Variants in TMEM132B observed in about 807,000 individuals in gnomAD.
TMEM132B encodes the protein transmembrane protein 132B.
Under a neutral mutation model 90.8 loss-of-function variants are expected in TMEM132B, and 18 were observed. The ratio of observed to expected loss-of-function variants is 0.20; its 90% CI spans 0.14 to 0.29. The LOEUF (loss-of-function observed/expected upper bound fraction) is 0.29. TMEM132B is among the 10% of genes least tolerant of loss of function. The probability of loss-of-function intolerance (pLI) is 1.00; values close to 1 mark genes in which losing one functional copy is unlikely to be tolerated. For synonymous variants in TMEM132B, 504 were observed against 523.3 expected (o/e 0.96, Z 0.50); for missense variants, 1,096 against 1,326.8 (o/e 0.83, Z 2.70).
rs1251912084 is a variant in TMEM132B, at chr12:125,498,751, A to G, written c.1107-20688A>G. ...ACTAGAGTCCCATGGGGCTTGTTCT[A>G]ATGTCCTTACAGAGGATACTGGTTA... On this transcript the variant is annotated intron_variant, in intron 3 of 8. Transcript: ENST00000682704. The surrounding 1 kb of genome is among the most constrained non-coding windows in gnomAD (Gnocchi z 4.5). 6.6e-6 allele frequency among the ~76,000 whole-genome samples: 1 copy of G among 152,174 alleles called. No homozygotes were observed. Among genetic ancestry groups the G allele is most frequent in the East Asian group, 1.9e-4 (1 of 5,198 alleles).
chr12:125,601,736 A>G (rs1054171266), intron 5 of TMEM132B, among the ~76,000 whole-genome samples: 10 of 152,170 alleles, frequency 6.6e-5, no homozygotes, highest in Admixed American at 6.5e-5. Context: ...AAAGAAGAAA[A>G]GAGAGAAGAA....
At chr12:125,389,048 AC>A (rs1878930070) in intron 2 of TMEM132B, among the ~76,000 whole-genome samples, 4 of 151,700 alleles carry the variant, frequency 2.6e-5, no homozygotes, top group African/African-American at 9.7e-5. Context: ...ACACACACAC[AC>A]ACACACAAAC....
At chr12:125,468,676 ATTGT>A (rs573457449) in intron 3 of TMEM132B, among the ~76,000 whole-genome samples, 84 of 152,338 alleles carry the variant, frequency 5.5e-4, no homozygotes, top group African/African-American at 1.5e-3. Context: ...GAACTTGTAG[ATTGT>A]TTGAGCAGTA....
intron 3 of TMEM132B, among the ~76,000 whole-genome samples, chr12:125,467,130 A>G (rs1881584067): frequency 6.6e-6 from 1 of 152,136 alleles, no homozygotes; most frequent in South Asian, 2.1e-4. Flanking sequence ...TCTGTCAACC[A>G]CTACCCTCCC....
At chr12:125,604,188 A>G (rs1403261677) in intron 5 of TMEM132B, among the ~76,000 whole-genome samples, 7 of 152,226 alleles carry the variant, frequency 4.6e-5, no homozygotes, top group Non-Finnish European at 8.8e-5. Flanking sequence ...AAAGAGATGG[A>G]ACCAACCAAA....
At chr12:125,368,293 T>C (rs1353379620) in intron 2 of TMEM132B, among the ~76,000 whole-genome samples, 1 of 152,226 alleles carries the variant, frequency 6.6e-6, no homozygotes, top group African/African-American at 2.4e-5. Flanking sequence ...GCCACAGAAA[T>C]GATACTGTGT....
At chr12:125,363,993 A>G (rs11058153) in intron 2 of TMEM132B, among the ~76,000 whole-genome samples, 54,086 of 152,200 alleles carry the variant, frequency 0.36, 10,984 homozygotes, top group East Asian at 0.76. Context: ...TTTGAGGCTA[A>G]GTGGAAGAAC....
chr12:125,272,074 C>A (rs1018212579), intron 1 of TMEM132B, among the ~76,000 whole-genome samples: 1 of 152,182 alleles, frequency 6.6e-6, no homozygotes. Flanking sequence ...CTAACAAGGG[C>A]CATTAGCCAA....
intron 1 of TMEM132B, among the ~76,000 whole-genome samples, chr12:125,220,634 C>T (rs1052845371): frequency 2.0e-5 from 3 of 152,184 alleles, no homozygotes; most frequent in South Asian, 2.1e-4. Flanking sequence ...GCAGGCACCA[C>T]GGAGCTCCTG....
chr12:125,535,890 G>A (rs1433354475), intron 4 of TMEM132B, among the ~76,000 whole-genome samples: 3 of 152,164 alleles, frequency 2.0e-5, no homozygotes, highest in East Asian at 1.9e-4. Flanking sequence ...AACCAAAGGC[G>A]GCTGAACACA....
chr12:125,236,847 T>G (rs547566322), intron 1 of TMEM132B, among the ~76,000 whole-genome samples: 11 of 152,350 alleles, frequency 7.2e-5, no homozygotes, highest in African/African-American at 2.6e-4. Flanking sequence ...TTGTCTGAAC[T>G]TAGGTCTTTC....
intron 3 of TMEM132B, among the ~76,000 whole-genome samples, chr12:125,438,591 T>C (rs1337139862): frequency 6.6e-6 from 1 of 152,240 alleles, no homozygotes; most frequent in East Asian, 1.9e-4. Flanking sequence ...TGTCACAGTT[T>C]AATATTTCCC....
chr12:125,568,658 A>C (rs923007331), intron 4 of TMEM132B, among the ~76,000 whole-genome samples: 1 of 152,126 alleles, frequency 6.6e-6, no homozygotes, highest in Non-Finnish European at 1.5e-5. Flanking sequence ...GGCTCTTTTG[A>C]TGGTTCTTGT....
At chr12:125,543,540 T>C (rs1480779419) in intron 4 of TMEM132B, among the ~76,000 whole-genome samples, 1 of 152,246 alleles carries the variant, frequency 6.6e-6, no homozygotes, top group Non-Finnish European at 1.5e-5. Context: ...GAGCCAATCT[T>C]ATGCAGATAC....
chr12:125,193,610 G>T (rs1043409342), intron 1 of TMEM132B, among the ~76,000 whole-genome samples: 5 of 152,218 alleles, frequency 3.3e-5, no homozygotes, highest in African/African-American at 1.2e-4. Context: ...TTAATGACCA[G>T]AAAGAGCCAA....
At chr12:125,533,793 GC>G (rs1357428149) in intron 4 of TMEM132B, among the ~76,000 whole-genome samples, 6 of 152,238 alleles carry the variant, frequency 3.9e-5, no homozygotes, top group Non-Finnish European at 7.3e-5. Context: ...CCTTCCTGCA[GC>G]CCGAGCCAGC....
At chr12:125,507,334 C>A (rs2136619493) in intron 3 of TMEM132B, among the ~76,000 whole-genome samples, 1 of 152,240 alleles carries the variant, frequency 6.6e-6, no homozygotes, top group African/African-American at 2.4e-5. Flanking sequence ...CAGACAAAAC[C>A]CTTGCCCTCA....
Position 125,415,824 on chromosome 12 carries a change from C to A in TMEM132B, c.1106+147C>A. 9.0e-7 allele frequency: 1 copy of A among 1,108,226 alleles called. No individual in the cohort carries two copies. The highest frequency in any genetic ancestry group is 1.2e-6 in the Non-Finnish European group (1 of 822,024). 68.6% of individuals were successfully genotyped at this position (1,108,226 alleles called of 1,614,324 possible). On this transcript the variant is annotated intron_variant, in intron 3 of 8. Coordinates refer to ENST00000682704, the MANE Select transcript of TMEM132B (RefSeq NM_001366854.1). This position sits in a 1 kb window ranked among gnomAD's most constrained non-coding sequence, Gnocchi z 5.3. ...TTTTGAGGTCGGCAGTCTCAAAAATCACCAGAGTTCACATTTATCACAGCG... is the reference window on the plus strand; with the variant it reads ...TTTTGAGGTCGGCAGTCTCAAAAATAACCAGAGTTCACATTTATCACAGCG...
chr12:125,298,181 T>G (rs1458742495), intron 1 of TMEM132B, among the ~76,000 whole-genome samples: 5 of 151,890 alleles, frequency 3.3e-5, no homozygotes, highest in Non-Finnish European at 7.4e-5. Flanking sequence ...GAGCAAGGAT[T>G]CTAGGCTGCA....
Sources: gnomAD v4.1 joint callset for allele counts (sites outside exome capture counted in the v4.1 genomes callset) on GRCh38, gnomAD v4.1.1 for gene constraint, Gnocchi (gnomAD v3.1) non-coding constraint, MANE v1.5 for transcripts, NCBI Gene and HGNC (gene_info 2026-07-23, HGNC 2026-07-21) for gene names.